Variants in RASA2 observed in about 807,000 individuals in gnomAD.
The protein encoded by RASA2 is RAS p21 protein activator 2, also known as ras GTPase-activating protein 2.
RASA2 carries 155 observed loss-of-function variants against 118.2 expected under a neutral mutation model. The ratio of observed to expected loss-of-function variants is 1.31; its 90% CI spans 1.15 to 1.50. The LOEUF (loss-of-function observed/expected upper bound fraction) is 1.50. Among genes scored for constraint, RASA2 ranks in the 40% most tolerant of loss-of-function variants. The pLI, the probability that RASA2 is intolerant of heterozygous loss-of-function variation, is 0.00. For synonymous variants in RASA2, 353 were observed against 349.1 expected (o/e 1.01, Z -0.12); for missense variants, 1,016 against 1,009.6 (o/e 1.01, Z -0.09).
At chr3:141,572,578 C>A in intron 11 of RASA2, 31 bp from the exon 12 acceptor site, 1 of 1,483,822 alleles carries the variant, frequency 6.7e-7, no homozygotes, top group Non-Finnish European at 9.4e-7. Context: ...CCTTTGTTTA[C>A]TACATTTGGT....
intron 19 of RASA2, among the ~76,000 whole-genome samples, chr3:141,594,599 A>G (rs74933621): frequency 0.027 from 4,180 of 152,262 alleles, 219 homozygotes; most frequent in African/African-American, 0.091. Context: ...ATAAAAAGCA[A>G]CTAAAACTGG....
chr3:141,555,692 A>G, intron 6 of RASA2, 148 bp from the exon 7 acceptor site: 7 of 608,754 alleles, frequency 1.1e-5, no homozygotes, highest in Non-Finnish European at 1.4e-5. Context: ...AAGGACAGTT[A>G]CTTTTTTCCA....
chr3:141,561,893 T>C (rs531673641), intron 9 of RASA2, among the ~76,000 whole-genome samples: 2 of 152,272 alleles, frequency 1.3e-5, no homozygotes, highest in Admixed American at 6.5e-5. Context: ...TTTGATATGA[T>C]TTAGCTTTCC....
intron 19 of RASA2, among the ~76,000 whole-genome samples, chr3:141,592,845 A>G (rs536391039): frequency 3.9e-5 from 6 of 152,154 alleles, no homozygotes; most frequent in Non-Finnish European, 8.8e-5. Context: ...AGGGGAACAG[A>G]AAATGATGGA....
intron 19 of RASA2, among the ~76,000 whole-genome samples, chr3:141,600,905 T>C (rs982979000): frequency 3.9e-5 from 6 of 152,170 alleles, no homozygotes; most frequent in Admixed American, 1.3e-4. Flanking sequence ...AAAGACTTAC[T>C]GTAAAGCTGC....
intron 15 of RASA2, among the ~76,000 whole-genome samples, chr3:141,580,079 A>ATATAT (rs2083080832): frequency 2.0e-5 from 2 of 101,902 alleles, no homozygotes; most frequent in East Asian, 3.6e-4. Flanking sequence ...GAAAAAAAAA[A>ATATAT]AAAAAAATAT....
At chr3:141,591,692 A>G (rs577983850) in intron 19 of RASA2, among the ~76,000 whole-genome samples, 26 of 152,322 alleles carry the variant, frequency 1.7e-4, no homozygotes, top group African/African-American at 4.8e-4. Context: ...GACCTGTTAT[A>G]CACATATACA....
rs1324056453 is a variant in RASA2, at chr3:141,516,402, A to G, written c.326A>G (p.Lys109Arg). 2 of 1,556,004 alleles carry G rather than the reference A, an allele frequency of 1.3e-6. No individual in the cohort carries two copies. Among genetic ancestry groups the G allele is most frequent in the East Asian group, 2.4e-5 (1 of 42,142 alleles). ...FQYLSFYVYDKNVLQRDLRIG... is the reference protein window; with the variant it reads ...FQYLSFYVYDRNVLQRDLRIG... ...TATTTGTCTTTCTATGTTTATGATA[A>G]GAATGTTTTACAAAGAGATCTCCGT... The change falls in exon 3 of 24, where the codon AAG (lysine) becomes AGG (arginine). Residue 109 changes from lysine (K) to arginine (R), a missense_variant. Physicochemically the swap from Lys to Arg is conservative, Grantham distance 26 (BLOSUM62 2). Transcript: ENST00000286364.
chr3:141,592,908 G>GA (rs201494954), intron 19 of RASA2, among the ~76,000 whole-genome samples: 2,002 of 150,968 alleles, frequency 0.013, 33 homozygotes, highest in African/African-American at 0.046. Context: ...GGTAATGGTA[G>GA]AAAAAACCAA....
At position 141,581,155 on chromosome 3, in the gene RASA2, G is replaced by T; in HGVS notation, c.1730G>T (p.Gly577Val). The change falls in exon 17 of 24, where the codon GGA becomes GTA. Residue 577 changes from glycine (G) to valine (V), a missense_variant. Gly to Val is a moderately radical substitution (Grantham distance 109). Around this residue, in one of 2 missense-constraint regions of RASA2, gnomAD observed 896 missense variants for 836.4 expected, o/e 1.07. Coordinates refer to ENST00000286364, the MANE Select transcript of RASA2 (RefSeq NM_006506.5). ...CEFFKMFQEE[G>V]YIIAVKKFLD... ...TTTTTCAAAATGTTTCAAGAAGAAG[G>T]ATATATTATAGCAGTTAAAAAGGTA... is the stretch of plus-strand genomic sequence containing the variant. 6.5e-7 allele frequency: 1 copy of T among 1,534,474 alleles called. No homozygotes were observed. The highest frequency in any genetic ancestry group is 1.4e-5 in the African/African-American group (1 of 69,736).
chr3:141,540,687 G>A (rs1478050851), intron 5 of RASA2, 78 bp downstream of exon 5: 1 of 1,242,416 alleles, frequency 8.0e-7, no homozygotes, highest in South Asian at 1.4e-5. Context: ...CCAACTCCTT[G>A]TTTTAACTTC....
intron 2 of RASA2, among the ~76,000 whole-genome samples, chr3:141,512,869 C>T (rs2081970965): frequency 6.6e-6 from 1 of 152,030 alleles, no homozygotes; most frequent in Non-Finnish European, 1.5e-5. Flanking sequence ...TCGAGACCAG[C>T]TTGGGCAACA....
At position 141,500,597 on chromosome 3, in the gene RASA2, A is replaced by AT. The variant is rs536799638; in HGVS notation, c.134-11565dup. 4.6e-3 allele frequency among the ~76,000 whole-genome samples: 704 copies of AT among 152,358 alleles called. 7 individuals carry two copies. The highest frequency in any genetic ancestry group is 0.014 in the African/African-American group (578 of 41,594). On this transcript the variant is annotated intron_variant, in intron 1 of 23. Coordinates refer to ENST00000286364, the MANE Select transcript of RASA2 (RefSeq NM_006506.5). ...TTGTGAAAAGGTTAAATGACTCGGTATACTGCCTGGCATTTTGTGCTCAGT... is the reference window on the plus strand; with the variant it reads ...TTGTGAAAAGGTTAAATGACTCGGTATTACTGCCTGGCATTTTGTGCTCAGT...
intron 3 of RASA2, among the ~76,000 whole-genome samples, chr3:141,519,778 C>G (rs187567259): frequency 3.9e-4 from 60 of 152,058 alleles, no homozygotes; most frequent in African/African-American, 1.3e-3. Flanking sequence ...AACACTTCTC[C>G]GTGGCACACA....
chr3:141,518,622 T>C (rs971506786), intron 3 of RASA2, among the ~76,000 whole-genome samples: 6 of 151,752 alleles, frequency 4.0e-5, no homozygotes, highest in African/African-American at 1.5e-4. Context: ...TTGCTACTTA[T>C]TTCTTTTAAA....
chr3:141,607,788 C>G (rs776747507), intron 20 of RASA2, 28 bp downstream of exon 20: 2 of 1,547,656 alleles, frequency 1.3e-6, no homozygotes, highest in South Asian at 1.2e-5. Flanking sequence ...ATATTTAAAG[C>G]TTTCTGAACT....
chr3:141,589,571 G>A (rs572248928), intron 19 of RASA2, among the ~76,000 whole-genome samples: 7 of 152,190 alleles, frequency 4.6e-5, no homozygotes, highest in South Asian at 4.1e-4. Flanking sequence ...GGCCGGGCGC[G>A]GTGGCTCACA....
intron 14 of RASA2, among the ~76,000 whole-genome samples, chr3:141,576,215 C>T (rs2083009504): frequency 1.3e-5 from 2 of 152,088 alleles, no homozygotes; most frequent in East Asian, 1.9e-4. Context: ...CATATTCTCT[C>T]GTTTTTGTTG....
intron 5 of RASA2, among the ~76,000 whole-genome samples, chr3:141,552,187 TAA>T (rs1430779259): frequency 6.6e-6 from 1 of 152,212 alleles, no homozygotes; most frequent in African/African-American, 2.4e-5. Flanking sequence ...AAGTTTTTTA[TAA>T]GTCAGTACTG....
Sources: gnomAD v4.1 joint callset for allele counts (sites outside exome capture counted in the v4.1 genomes callset) on GRCh38, gnomAD v4.1.1 for gene constraint, gnomAD v4.1.1 regional missense constraint, MANE v1.5 for transcripts, NCBI Gene and HGNC (gene_info 2026-07-23, HGNC 2026-07-21) for gene names.